The following B4GALT1 variants were observed in gnomAD, a reference collection of about 807,000 sequenced individuals.
The protein encoded by B4GALT1 is beta-1,4-galactosyltransferase 1, also known as N-acetyllactosamine synthase.
Under a neutral mutation model 34.9 loss-of-function variants are expected in B4GALT1, and 16 were observed. The ratio of observed to expected loss-of-function variants is 0.46; its 90% CI spans 0.31 to 0.70. B4GALT1 has a LOEUF of 0.70. Ranked by LOEUF, B4GALT1 falls within the 30% of genes least tolerant of loss-of-function variation. B4GALT1 has a pLI of 0.05. For missense variants in B4GALT1, 445 were observed against 530.5 expected, an observed-to-expected ratio of 0.84 and a Z score of 1.58; for synonymous variants, 221 against 218.1, an observed-to-expected ratio of 1.01 and a Z score of -0.12.
At chr9:33,114,106 G>A (rs1347384024) in intron 4 of B4GALT1, among the ~76,000 whole-genome samples, 1 of 152,230 alleles carries the variant, frequency 6.6e-6, no homozygotes, top group Non-Finnish European at 1.5e-5. Flanking sequence ...TGACTACCAT[G>A]TGCCAGACAC....
At chr9:33,183,772 T>TA in the B4GALT1 span, among the ~76,000 whole-genome samples, 1 of 150,622 alleles carries the variant, frequency 6.6e-6, no homozygotes, top group Non-Finnish European at 1.5e-5. Flanking sequence ...CCCTAAAACT[T>TA]AAAGTATAAT....
chr9:33,123,464 C>T (rs1840051305), intron 2 of B4GALT1, among the ~76,000 whole-genome samples: 1 of 152,088 alleles, frequency 6.6e-6, no homozygotes, highest in Non-Finnish European at 1.5e-5. Context: ...ACCCTCACCC[C>T]AGCCCAGACT....
At chr9:33,169,084 A>G (rs950001597), upstream of B4GALT1, among the ~76,000 whole-genome samples, 7 of 152,190 alleles carry the variant, frequency 4.6e-5, no homozygotes, top group Non-Finnish European at 1.0e-4. Context: ...TCAAGCCACC[A>G]TCATCTTGCC....
upstream of B4GALT1, among the ~76,000 whole-genome samples, chr9:33,169,720 C>T (rs1485858783): frequency 2.0e-5 from 3 of 151,840 alleles, no homozygotes; most frequent in African/African-American, 4.8e-5. Flanking sequence ...CGGATTTCAC[C>T]ATGTTGGCCA....
chr9:33,118,493 T>TA lies in B4GALT1; in HGVS notation c.836+1925dup, dbSNP rs568416752. Among the ~76,000 whole-genome samples the TA allele has an allele frequency of 8.3e-3, 1,233 of 147,862 alleles. 9 individuals are homozygous for TA. Among genetic ancestry groups the TA allele is most frequent in the Non-Finnish European group, 0.014 (958 of 66,762 alleles). ...CCTGGGTAACATAGTGAGACATCTC[T>TA]AAAAAAAAAAATTTTTTTTTTTTTA... On this transcript the variant is annotated intron_variant, in intron 3 of 5. Coordinates refer to ENST00000379731, the MANE Select transcript of B4GALT1 (RefSeq NM_001497.4).
intron 1 of B4GALT1, among the ~76,000 whole-genome samples, chr9:33,164,993 T>A (rs1023993529): frequency 5.7e-5 from 5 of 87,024 alleles, no homozygotes; most frequent in South Asian, 3.4e-4. Context: ...TTTTTTTTTT[T>A]AGACAGTCTT....
intron 2 of B4GALT1, among the ~76,000 whole-genome samples, chr9:33,125,473 A>T (rs1278247340): frequency 2.0e-5 from 3 of 152,142 alleles, no homozygotes; most frequent in African/African-American, 7.2e-5. Flanking sequence ...TTTGTGCCCC[A>T]ATCCAACTGA....
intron 1 of B4GALT1, among the ~76,000 whole-genome samples, chr9:33,148,572 G>A (rs1028422855): frequency 6.6e-6 from 1 of 152,214 alleles, no homozygotes; most frequent in African/African-American, 2.4e-5. Flanking sequence ...GAAACACTGG[G>A]ATGGATGACA....
chr9:33,137,199 C>T (rs1840284236), intron 1 of B4GALT1, among the ~76,000 whole-genome samples: 1 of 152,238 alleles, frequency 6.6e-6, no homozygotes, highest in African/African-American at 2.4e-5. Flanking sequence ...AGGCCCTTCA[C>T]CCTCAGCTCT....
In B4GALT1 at chr9:33,135,438, G is replaced by A. The variant is rs777302499; in HGVS notation, c.413-14C>T. On this transcript the variant is annotated splice_polypyrimidine_tract_variant and intron_variant, in intron 1 of 5. Coordinates refer to ENST00000379731, the MANE Select transcript of B4GALT1 (RefSeq NM_001497.4). ...GCATGGGGCCCACTAGAGAGGTGGA[G>A]GGAGGGAGAAGTTAGCAGGCCACAG... The A allele has an allele frequency of 1.9e-6, 3 of 1,612,854 alleles. No homozygotes were observed. Among genetic ancestry groups the A allele is most frequent in the East Asian group, 2.2e-5 (1 of 44,852 alleles).
intron 4 of B4GALT1, 78 bp from the exon 5 acceptor site, chr9:33,113,956 G>A: frequency 7.6e-7 from 1 of 1,315,892 alleles, no homozygotes; most frequent in Admixed American, 1.7e-5. Flanking sequence ...CAAGACTGTT[G>A]CTCCATCCAC....
At chr9:33,155,856 T>C (rs1840587245) in intron 1 of B4GALT1, among the ~76,000 whole-genome samples, 1 of 152,214 alleles carries the variant, frequency 6.6e-6, no homozygotes, top group Non-Finnish European at 1.5e-5. Context: ...ACCATATAAC[T>C]AACCTCATTC....
At chr9:33,139,145 G>A (rs1429473779) in intron 1 of B4GALT1, among the ~76,000 whole-genome samples, 1 of 152,150 alleles carries the variant, frequency 6.6e-6, no homozygotes, top group Admixed American at 6.5e-5. Context: ...TGTTTCAATT[G>A]ATACTTTCTG....
At chr9:33,116,268 T>C (rs1406344522) in intron 3 of B4GALT1, among the ~76,000 whole-genome samples, 155 bp from the exon 4 acceptor site, 1 of 152,184 alleles carries the variant, frequency 6.6e-6, no homozygotes, top group Non-Finnish European at 1.5e-5. Flanking sequence ...AGTCTTGCTC[T>C]GTTGCCAGGC....
downstream of B4GALT1, among the ~76,000 whole-genome samples, chr9:33,107,845 A>T (rs73484518): frequency 3.5e-3 from 529 of 152,120 alleles, 3 homozygotes; most frequent in African/African-American, 0.012. Context: ...ACCTTCACTC[A>T]GGTGGGGAGT....
rs925332395 is a variant in B4GALT1, at chr9:33,111,203, T to C, written c.*2251A>G. The C allele has an allele frequency of 1.5e-5, 2 of 137,792 alleles. No individual in the cohort carries two copies. Among genetic ancestry groups the C allele is most frequent in the Admixed American group, 1.6e-4 (2 of 12,554 alleles). The allele number at this position is 137,792 out of a possible 1,614,324, so 8.5% of individuals were successfully genotyped here. A position where few individuals can be genotyped will look rare whatever the true frequency, so the allele number is the denominator to read the frequency against. On this transcript the variant is annotated 3_prime_UTR_variant, in exon 6 of 6. Transcript: ENST00000379731. ...GCAAATGGGGGGAGCAGTATTTCCC[T>C]TGGTTCTAAGAATGAACCACATACT...
intron 1 of B4GALT1, among the ~76,000 whole-genome samples, chr9:33,153,504 T>C (rs1481289786): frequency 6.6e-6 from 1 of 152,022 alleles, no homozygotes; most frequent in African/African-American, 2.4e-5. Flanking sequence ...AAAATTCAAA[T>C]TATTATAATC....
chr9:33,173,590 T>TGG, the B4GALT1 span, among the ~76,000 whole-genome samples: 1 of 88,646 alleles, frequency 1.1e-5, no homozygotes, highest in African/African-American at 4.2e-5. Context: ...GAAATAAGAA[T>TGG]GGTGTGTGTG....
At chr9:33,172,111 G>A (rs888675556), upstream of B4GALT1, among the ~76,000 whole-genome samples, 1 of 152,166 alleles carries the variant, frequency 6.6e-6, no homozygotes, top group Non-Finnish European at 1.5e-5. Context: ...GTGACACCTG[G>A]TTTTTGAGAA....
Sources: allele counts gnomAD v4.1 joint callset (sites outside exome capture counted in the v4.1 genomes callset), GRCh38; gene constraint gnomAD v4.1.1; transcripts MANE v1.5; gene names NCBI Gene and HGNC (gene_info 2026-07-23, HGNC 2026-07-21).